CCDC47: variants seen among roughly 807,000 people sequenced by gnomAD.
CCDC47 encodes coiled-coil domain containing 47.
In CCDC47, 41 loss-of-function variants were observed where a neutral mutation model predicts 60.5. That is an observed-to-expected ratio of 0.68 (90% confidence interval 0.53 to 0.88). The LOEUF (loss-of-function observed/expected upper bound fraction) is 0.88, where lower values mean the gene tolerates loss of function less well. Among genes scored for constraint, CCDC47 ranks in the 40% least tolerant of loss-of-function variants. The pLI, the probability that CCDC47 is intolerant of heterozygous loss-of-function variation, is 0.00. For missense variants in CCDC47, 513 were observed against 580.9 expected (o/e 0.88, Z 1.20); for synonymous variants, 195 against 190.7 (o/e 1.02, Z -0.18).
chr17:63,768,544 G>T (rs1219215852), intron 1 of CCDC47, among the ~76,000 whole-genome samples: 4 of 151,998 alleles, frequency 2.6e-5, no homozygotes, highest in Non-Finnish European at 5.9e-5. Flanking sequence ...AGAAAAATTA[G>T]CTGGGTTTGG....
intron 3 of CCDC47, 97 bp downstream of exon 3, chr17:63,764,643 T>C: frequency 9.8e-7 from 1 of 1,022,996 alleles, no homozygotes; most frequent in Non-Finnish European, 1.4e-6. Context: ...CTCCCACTAT[T>C]GCATTAACAC....
Position 63,751,937 on chromosome 17 carries a change from AACCTCC to A in CCDC47, c.1368_1371+2del, listed in dbSNP as rs2039169211. The A allele has an allele frequency of 6.2e-7, 1 of 1,613,662 alleles. No homozygotes were observed. Among genetic ancestry groups the A allele is most frequent in the Non-Finnish European group, 8.5e-7 (1 of 1,180,012 alleles). On this transcript the variant is annotated splice_donor_variant and coding_sequence_variant, in exon 12 of 13. Transcript: ENST00000225726. LOFTEE classifies it high-confidence loss of function. Reference sequence around the variant, plus strand: ...TTTTACCCCAGTGATAAGTTTGTCTAACCTCCAGCCTGCGCTGTTTCTCAGGATCTT... The same window carrying A: ...TTTTACCCCAGTGATAAGTTTGTCTAAGCCTGCGCTGTTTCTCAGGATCTT...
In CCDC47 at chr17:63,754,514, ACCATCTG is replaced by A. The variant is rs1439159549; in HGVS notation, c.949-3_952del. ...GTCAGCATAGTGTGTAAGAAAGTGA[ACCATCTG>A]AAAAAAAGAAAATAATATTTTTTAA... On this transcript the variant is annotated splice_acceptor_variant and splice_polypyrimidine_tract_variant and coding_sequence_variant and intron_variant, in exon 9 of 13. Transcript: ENST00000225726. LOFTEE classifies it high-confidence loss of function. 6.3e-7 allele frequency: 1 copy of A among 1,595,268 alleles called. No homozygotes were observed. Among genetic ancestry groups the A allele is most frequent in the Admixed American group, 1.7e-5 (1 of 58,142 alleles).
intron 6 of CCDC47, among the ~76,000 whole-genome samples, chr17:63,759,551 A>ATATATATT (rs2039238748): frequency 8.6e-5 from 6 of 69,918 alleles, no homozygotes; most frequent in Admixed American, 1.8e-4. Context: ...ATATATATAT[A>ATATATATT]TATATATATA....
In CCDC47 at chr17:63,766,061, A is replaced by G; in HGVS notation, c.115T>C (p.Phe39Leu). Residue 39 changes from phenylalanine (F) to leucine (L), a missense_variant, in exon 2 of 13, where the codon TTC becomes CTC. Physicochemically the swap from Phe to Leu is conservative, Grantham distance 22. Coordinates refer to ENST00000225726, the MANE Select transcript of CCDC47 (RefSeq NM_020198.3). ...EDIVEYDDNDFAEFEDVMEDS... is the reference protein window; with the variant it reads ...EDIVEYDDNDLAEFEDVMEDS... ...TCCATGACATCCTCAAATTCAGCGA[A>G]GTCATTATCATCATACTCTACTATG... 1.2e-6 allele frequency: 2 copies of G among 1,614,148 alleles called. No homozygotes were observed. Among genetic ancestry groups the G allele is most frequent in the Non-Finnish European group, 1.7e-6 (2 of 1,180,020 alleles).
intron 4 of CCDC47, chr17:63,762,085 TTCCAATGCAAAATGATAAC>T (rs1335591378): frequency 1.0e-6 from 1 of 984,658 alleles, no homozygotes; most frequent in Non-Finnish European, 1.2e-6. Context: ...AAGCTTTCTT[TTCCAATGCAAAATGATAAC>T]TGGGTCTTAC....
At chr17:63,771,280 A>G (rs1237590984) in intron 1 of CCDC47, among the ~76,000 whole-genome samples, 2 of 152,120 alleles carry the variant, frequency 1.3e-5, no homozygotes, top group Non-Finnish European at 1.5e-5. Context: ...ATAATTATAT[A>G]GTGTATATAC....
At position 63,773,451 on chromosome 17, in the gene CCDC47, C is replaced by G. The variant is rs1192613259; in HGVS notation, c.-59G>C. On this transcript the variant is annotated 5_prime_UTR_variant, in exon 1 of 13. Coordinates refer to ENST00000225726, the MANE Select transcript of CCDC47 (RefSeq NM_020198.3). ...GAAACCCGGCCCAGCGCCCTGCGTC[C>G]GACACCCCTGCCCGGCCTGCCTCTC... is the stretch of plus-strand genomic sequence containing the variant. 1 of 152,970 alleles carries G rather than the reference C, an allele frequency of 6.5e-6. No individual in the cohort carries two copies. The highest frequency in any genetic ancestry group is 1.5e-5 in the Non-Finnish European group (1 of 68,674). 9.5% of individuals were successfully genotyped at this position (152,970 alleles called of 1,614,324 possible).
At chr17:63,772,685 T>G (rs1361716167) in intron 1 of CCDC47, 1 of 152,214 alleles carries the variant, frequency 6.6e-6, no homozygotes, top group Non-Finnish European at 1.5e-5. Flanking sequence ...AATTAGAATA[T>G]TCACACCATA....
chr17:63,764,898 T>A (rs1275635519), intron 2 of CCDC47, 51 bp from the exon 3 acceptor site: 1 of 1,572,536 alleles, frequency 6.4e-7, no homozygotes, highest in East Asian at 2.3e-5. Context: ...CACCAGCAGC[T>A]GTGTCTCATT....
At chr17:63,756,432 G>A in intron 7 of CCDC47, 37 bp downstream of exon 7, 3 of 1,575,102 alleles carry the variant, frequency 1.9e-6, no homozygotes, top group Non-Finnish European at 2.6e-6. Flanking sequence ...AGGAGACACA[G>A]TTCTACGTAT....
intron 12 of CCDC47, among the ~76,000 whole-genome samples, chr17:63,750,802 TG>T (rs2039157456): frequency 6.6e-6 from 1 of 152,056 alleles, no homozygotes; most frequent in Non-Finnish European, 1.5e-5. Context: ...TTGGTCAGGC[TG>T]GTCTCGAACT....
At chr17:63,773,290 G>A (rs1310247584) in intron 1 of CCDC47, 122 bp downstream of exon 1, 1 of 152,334 alleles carries the variant, frequency 6.6e-6, no homozygotes, top group East Asian at 1.9e-4. Flanking sequence ...CAGCTCCGTG[G>A]GAAAGTTCCC....
At chr17:63,750,346 T>G (rs991060385) in intron 12 of CCDC47, among the ~76,000 whole-genome samples, 2 of 151,996 alleles carry the variant, frequency 1.3e-5, no homozygotes, top group African/African-American at 4.8e-5. Context: ...AGGGGAAAAA[T>G]ACCTATCACT....
intron 4 of CCDC47, 57 bp from the exon 5 acceptor site, chr17:63,761,408 G>A (rs1181723850): frequency 1.9e-6 from 3 of 1,604,900 alleles, no homozygotes; most frequent in African/African-American, 2.7e-5. Flanking sequence ...CGGGCCGGGG[G>A]TGGTGGCTCA....
intron 1 of CCDC47, among the ~76,000 whole-genome samples, chr17:63,771,033 G>GAAAGAAAGAAAGAAAGA: frequency 4.1e-5 from 5 of 120,638 alleles, no homozygotes; most frequent in African/African-American, 1.9e-4. Context: ...AGGAAGGAAG[G>GAAAGAAAGAAAGAAAGA]AAGGAAGGAA....
At chr17:63,763,320 C>T (rs1305622411) in intron 4 of CCDC47, among the ~76,000 whole-genome samples, 2 of 152,004 alleles carry the variant, frequency 1.3e-5, no homozygotes, top group East Asian at 1.9e-4. Flanking sequence ...CCCAGGAGTT[C>T]GAGACCAGCC....
intron 6 of CCDC47, among the ~76,000 whole-genome samples, chr17:63,758,725 T>C (rs2039226640): frequency 6.6e-6 from 1 of 152,050 alleles, no homozygotes; most frequent in South Asian, 2.1e-4. Flanking sequence ...GTTATATTAA[T>C]TACATCTTTA....
At chr17:63,758,396 G>A (rs756840293) in intron 6 of CCDC47, among the ~76,000 whole-genome samples, 13 of 152,076 alleles carry the variant, frequency 8.5e-5, no homozygotes, top group Non-Finnish European at 1.5e-4. Flanking sequence ...AATTGAGGCT[G>A]GGCACAGTGG....
Sources: allele counts gnomAD v4.1 joint callset (sites outside exome capture counted in the v4.1 genomes callset), GRCh38; gene constraint gnomAD v4.1.1; transcripts MANE v1.5; gene names NCBI Gene and HGNC (gene_info 2026-07-23, HGNC 2026-07-21).